The following SPAG6 variants were observed in gnomAD, a reference collection of about 807,000 sequenced individuals.
The protein encoded by SPAG6 is sperm-associated antigen 6.
In SPAG6, 49 loss-of-function variants were observed where a neutral mutation model predicts 58.5. The ratio of observed to expected loss-of-function variants is 0.84; its 90% CI spans 0.67 to 1.06. The LOEUF is 1.06. SPAG6 is among the 50% of genes least tolerant of loss of function. SPAG6 has a pLI of 0.00. For missense variants in SPAG6, 560 were observed against 611.3 expected, an observed-to-expected ratio of 0.92 and a Z score of 0.89; for synonymous variants, 233 against 225.6, an observed-to-expected ratio of 1.03 and a Z score of -0.29.
chr10:22,375,585 CTTTT>C (rs928312845), intron 4 of SPAG6, among the ~76,000 whole-genome samples: 2 of 126,172 alleles, frequency 1.6e-5, no homozygotes, highest in Admixed American at 7.9e-5. Flanking sequence ...AAAGGATTTT[CTTTT>C]TTTTTTTTTT....
intron 10 of SPAG6, among the ~76,000 whole-genome samples, chr10:22,411,840 C>CTTTTTTTTTTTTTTTTT (rs546172800): frequency 7.5e-5 from 5 of 66,748 alleles, no homozygotes; most frequent in African/African-American, 2.9e-4. Context: ...ACAACTGAAT[C>CTTTTTTTTTTTTTTTTT]TTTTTTTTTT....
chr10:22,384,371 A>G (rs1335002498), intron 4 of SPAG6, among the ~76,000 whole-genome samples: 1 of 152,226 alleles, frequency 6.6e-6, no homozygotes, highest in Non-Finnish European at 1.5e-5. Context: ...GTAGACACCA[A>G]CAGTGGCTGG....
intron 8 of SPAG6, among the ~76,000 whole-genome samples, chr10:22,396,196 A>T (rs1834288569): frequency 6.6e-6 from 1 of 152,248 alleles, no homozygotes; most frequent in Admixed American, 6.5e-5. Flanking sequence ...CCCCAGCCAA[A>T]TCTCATCTTG....
In SPAG6 at chr10:22,384,349, G is replaced by A. The variant is rs117714817; in HGVS notation, c.473-2405G>A. On this transcript the variant is annotated intron_variant, in intron 4 of 10. Coordinates refer to ENST00000376624, the MANE Select transcript of SPAG6 (RefSeq NM_012443.4). The stretch of plus-strand genomic sequence containing the variant: ...CTCACAAGCCTATGCCCTAGCTGAC[G>A]ATGGCTATCGGGTAGACACCAACAG... 3.8e-3 allele frequency among the ~76,000 whole-genome samples: 575 copies of A among 152,302 alleles called. 2 individuals carry two copies. Among genetic ancestry groups the A allele is most frequent in the Non-Finnish European group, 6.5e-3 (442 of 68,022 alleles).
At chr10:22,387,794 G>C in intron 5 of SPAG6, 29 bp from the exon 6 acceptor site, 1 of 1,586,844 alleles carries the variant, frequency 6.3e-7, no homozygotes, top group Non-Finnish European at 8.5e-7. Context: ...ATAGTGTTTT[G>C]TTGTTGTTGT....
intron 3 of SPAG6, 121 bp from the exon 4 acceptor site, chr10:22,368,374 A>T: frequency 2.9e-6 from 2 of 687,476 alleles, no homozygotes; most frequent in Non-Finnish European, 4.6e-6. Context: ...CATCTTTTAT[A>T]TTCAAAAGCT....
At chr10:22,408,447 C>CG (rs1238545017) in intron 9 of SPAG6, among the ~76,000 whole-genome samples, 1 of 146,348 alleles carries the variant, frequency 6.8e-6, no homozygotes, top group African/African-American at 2.7e-5. Context: ...TTAGGCTGCT[C>CG]GGGGGTCAGG....
At chr10:22,408,997 G>A (rs55952778) in intron 9 of SPAG6, among the ~76,000 whole-genome samples, 1,552 of 151,080 alleles carry the variant, frequency 0.01, 25 homozygotes, top group African/African-American at 0.034. Flanking sequence ...GCTTCGGCTC[G>A]CGCACCCACT....
rs1158594354 is a variant in SPAG6 at position 22,408,102 on chromosome 10, A to G, written c.1315-2929A>G. On this transcript the variant is annotated intron_variant, in intron 9 of 10. Coordinates refer to ENST00000376624, the MANE Select transcript of SPAG6 (RefSeq NM_012443.4). ...GTTTGAATGTCCTCCCGTAGCTCAG[A>G]GTAATTTGATCGCCTGAAGCCTTCT... Among the ~76,000 whole-genome samples the G allele has an allele frequency of 2.8e-5, 4 of 141,058 alleles. No homozygotes were observed. In the East Asian group the frequency reaches 7.9e-4, roughly 28 times the overall value. 92.5% of individuals were successfully genotyped at this position (141,058 alleles called of 152,430 possible). A position where few individuals can be genotyped will look rare whatever the true frequency, so the allele number is the denominator to read the frequency against.
chr10:22,350,033 G>C (rs2132027546), intron 2 of SPAG6, among the ~76,000 whole-genome samples: 1 of 151,694 alleles, frequency 6.6e-6, no homozygotes, highest in Non-Finnish European at 1.5e-5. Context: ...CTGTTTCAAA[G>C]GATATTGAAA....
intron 2 of SPAG6, among the ~76,000 whole-genome samples, chr10:22,355,418 A>G (rs994842904): frequency 2.0e-5 from 3 of 152,244 alleles, no homozygotes; most frequent in African/African-American, 4.8e-5. Flanking sequence ...GATATATCAG[A>G]TATGGTAGTC....
chr10:22,346,500 C>CTT (rs1490133051), intron 2 of SPAG6, among the ~76,000 whole-genome samples: 1 of 111,042 alleles, frequency 9.0e-6, no homozygotes, highest in Non-Finnish European at 1.9e-5. Flanking sequence ...CTTCTTCTTT[C>CTT]TTCTTCTTCT....
At chr10:22,346,430 G>GTTCTTCCTCCTC (rs1463625993) in intron 2 of SPAG6, among the ~76,000 whole-genome samples, 2 of 95,920 alleles carry the variant, frequency 2.1e-5, no homozygotes, top group African/African-American at 3.9e-5. Context: ...AGAGAAAATG[G>GTTCTTCCTCCTC]TTCTTCTTCT....
intron 2 of SPAG6, 29 bp from the exon 3 acceptor site, chr10:22,364,824 G>C: frequency 6.4e-7 from 1 of 1,561,980 alleles, no homozygotes; most frequent in Non-Finnish European, 8.7e-7. Flanking sequence ...AAATTTTCCT[G>C]ATTTCTGTTC....
At chr10:22,397,681 A>G (rs1429740573) in intron 8 of SPAG6, among the ~76,000 whole-genome samples, 2 of 152,204 alleles carry the variant, frequency 1.3e-5, no homozygotes, top group Non-Finnish European at 2.9e-5. Flanking sequence ...AAATAATGTT[A>G]TTCATAATAA....
chr10:22,372,572 A>C (rs533190657), intron 4 of SPAG6, among the ~76,000 whole-genome samples: 313 of 152,276 alleles, frequency 2.1e-3, no homozygotes, highest in African/African-American at 6.9e-3. Flanking sequence ...TTGTGACTGA[A>C]GTCCTGTGGC....
chr10:22,352,121 A>G (rs1836743915), intron 2 of SPAG6, among the ~76,000 whole-genome samples: 1 of 152,036 alleles, frequency 6.6e-6, no homozygotes, highest in Non-Finnish European at 1.5e-5. Context: ...AGATCGCTCC[A>G]CTGTGCTCCA....
intron 9 of SPAG6, among the ~76,000 whole-genome samples, chr10:22,408,826 T>C (rs1834635476): frequency 6.6e-6 from 1 of 152,212 alleles, no homozygotes; most frequent in Non-Finnish European, 1.5e-5. Flanking sequence ...ATGTGTGGGA[T>C]ATAATCTCCT....
intron 8 of SPAG6, among the ~76,000 whole-genome samples, chr10:22,396,693 G>A (rs918335506): frequency 1.4e-5 from 2 of 143,084 alleles, no homozygotes; most frequent in African/African-American, 6.1e-5. Context: ...ATTTTTATGT[G>A]TAGTGTTAAG....
Sources: allele counts gnomAD v4.1 joint callset (sites outside exome capture counted in the v4.1 genomes callset), GRCh38; gene constraint gnomAD v4.1.1; transcripts MANE v1.5; gene names NCBI Gene and HGNC (gene_info 2026-07-23, HGNC 2026-07-21).